KATNAL1: variants seen among roughly 807,000 people sequenced by gnomAD.
KATNAL1 encodes katanin p60 ATPase-containing subunit A-like 1.
A neutral mutation model predicts 55.2 loss-of-function variants in KATNAL1; 32 were observed. The observed-to-expected ratio is 0.58, with a 90% CI of 0.44 to 0.78. The LOEUF is 0.78. Among genes scored for constraint, KATNAL1 ranks in the 30% least tolerant of loss-of-function variants. The pLI, the probability that KATNAL1 is intolerant of heterozygous loss-of-function variation, is 0.00. For synonymous variants in KATNAL1, 193 were observed against 193.6 expected (o/e 1.00, Z 0.02); for missense variants, 466 against 600.9 (o/e 0.78, Z 2.35).
In KATNAL1 at chr13:30,202,731, AAC is replaced by A; in HGVS notation, c.*5807_*5808del. ...AGTAGCAGCACAAAAGGTAAGGAAA[AAC>A]ACATTTAATAAATACAACTTGGAAA... On this transcript the variant is annotated 3_prime_UTR_variant, in exon 11 of 11. Transcript: ENST00000380615. 1 of 152,346 alleles carries A rather than the reference AAC, an allele frequency of 6.6e-6. No individual in the cohort carries two copies. Among genetic ancestry groups the A allele is most frequent in the Admixed American group, 6.5e-5 (1 of 15,304 alleles). 9.4% of individuals were successfully genotyped at this position (152,346 alleles called of 1,614,324 possible).
chr13:30,212,345 C>T (rs957204874), intron 9 of KATNAL1, among the ~76,000 whole-genome samples: 1 of 152,194 alleles, frequency 6.6e-6, no homozygotes, highest in African/African-American at 2.4e-5. Flanking sequence ...TTCTAAAAAT[C>T]AGCAAGAAAA....
At position 30,210,313 on chromosome 13, in the gene KATNAL1, T is replaced by C. The variant is rs775912042; in HGVS notation, c.1274+3A>G. 1.3e-6 allele frequency: 2 copies of C among 1,581,786 alleles called. No individual in the cohort carries two copies. The highest frequency in any genetic ancestry group is 1.7e-6 in the Non-Finnish European group (2 of 1,168,902). ...CTAAAATCACAGATCATTAAAAAAA[T>C]ACCTGCAAACATTAGTGATGTCAGC... On this transcript the variant is annotated splice_donor_region_variant and intron_variant, in intron 10 of 10. Transcript: ENST00000380615.
At chr13:30,234,944 G>C (rs1876502962) in intron 6 of KATNAL1, among the ~76,000 whole-genome samples, 2 of 152,152 alleles carry the variant, frequency 1.3e-5, no homozygotes, top group South Asian at 4.1e-4. Context: ...CCCCTATATA[G>C]TTTATGCCAA....
In KATNAL1 at chr13:30,245,504, T is replaced by C. The variant is rs969685858; in HGVS notation, c.493-4418A>G. Among the ~76,000 whole-genome samples, 13 of 152,160 alleles carry C rather than the reference T, an allele frequency of 8.5e-5. No individual in the cohort carries two copies. The South Asian group carries it at 2.1e-3, about 24-fold the overall frequency. On this transcript the variant is annotated intron_variant, in intron 4 of 10. Coordinates refer to ENST00000380615, the MANE Select transcript of KATNAL1 (RefSeq NM_032116.5). Reference sequence around the variant, plus strand: ...TTTGAATACTGGCACAAGACAAGGATGCCCTCTCTCACCACTCCTATTCAA... The same window carrying C: ...TTTGAATACTGGCACAAGACAAGGACGCCCTCTCTCACCACTCCTATTCAA...
At chr13:30,223,206 A>G (rs541015568) in intron 9 of KATNAL1, among the ~76,000 whole-genome samples, 56 of 151,648 alleles carry the variant, frequency 3.7e-4, no homozygotes, top group Non-Finnish European at 4.9e-4. Flanking sequence ...TCGGGAGGCC[A>G]AGGCGGGCGG....
intron 3 of KATNAL1, among the ~76,000 whole-genome samples, chr13:30,262,358 T>C (rs1488578177): frequency 6.6e-6 from 1 of 151,474 alleles, no homozygotes; most frequent in East Asian, 1.9e-4. Context: ...AGGCAAGAAA[T>C]AACTAAAATC....
chr13:30,225,311 T>A (rs1411187381), intron 9 of KATNAL1, among the ~76,000 whole-genome samples: 5 of 152,186 alleles, frequency 3.3e-5, no homozygotes, highest in African/African-American at 1.2e-4. Context: ...ATGAACTATA[T>A]AATCAGCTTC....
At chr13:30,237,349 G>A (rs1876791430) in intron 6 of KATNAL1, among the ~76,000 whole-genome samples, 1 of 152,134 alleles carries the variant, frequency 6.6e-6, no homozygotes, top group African/African-American at 2.4e-5. Flanking sequence ...TAGAAAATAT[G>A]GATAAATTAT....
intron 1 of KATNAL1, among the ~76,000 whole-genome samples, chr13:30,299,353 T>C (rs1882723986): frequency 6.6e-6 from 1 of 152,174 alleles, no homozygotes; most frequent in Non-Finnish European, 1.5e-5. Context: ...TTTTAAAAAT[T>C]AAATGTGATC....
intron 9 of KATNAL1, among the ~76,000 whole-genome samples, chr13:30,218,853 T>C (rs538891014): frequency 3.9e-5 from 6 of 152,246 alleles, no homozygotes; most frequent in East Asian, 1.9e-4. Context: ...CAAGGCATCA[T>C]GGAACAGACA....
chr13:30,243,319 T>C (rs566546474), intron 4 of KATNAL1, among the ~76,000 whole-genome samples: 8 of 152,190 alleles, frequency 5.3e-5, no homozygotes, highest in Non-Finnish European at 1.2e-4. Context: ...AACCAAATAT[T>C]ACAGAGCCAA....
intron 4 of KATNAL1, 48 bp downstream of exon 4, chr13:30,255,399 A>G (rs748501124): frequency 1.5e-6 from 2 of 1,374,436 alleles, no homozygotes; most frequent in Admixed American, 2.7e-5. Context: ...ACATCCACCA[A>G]AAGTCCTGGG....
intron 4 of KATNAL1, 135 bp downstream of exon 4, chr13:30,255,312 T>A: frequency 1.6e-6 from 1 of 643,872 alleles, no homozygotes; most frequent in Non-Finnish European, 2.4e-6. Flanking sequence ...CAAAGACTAC[T>A]TAGGCTTTGA....
intron 2 of KATNAL1, among the ~76,000 whole-genome samples, chr13:30,283,326 T>C (rs188141906): frequency 4.7e-4 from 71 of 150,262 alleles, no homozygotes; most frequent in African/African-American, 1.7e-3. Flanking sequence ...TTTCAAAAGT[T>C]TGCAGTCACA....
At chr13:30,214,851 A>G (rs927789222) in intron 9 of KATNAL1, among the ~76,000 whole-genome samples, 1 of 151,428 alleles carries the variant, frequency 6.6e-6, no homozygotes, top group Non-Finnish European at 1.5e-5. Flanking sequence ...ACCATTCAGG[A>G]CATAGGCATG....
chr13:30,221,317 T>C (rs755407789), intron 9 of KATNAL1, among the ~76,000 whole-genome samples: 1 of 152,244 alleles, frequency 6.6e-6, no homozygotes, highest in South Asian at 2.1e-4. Context: ...ACTGTTTGCA[T>C]GTATTGGCCA....
intron 3 of KATNAL1, among the ~76,000 whole-genome samples, chr13:30,263,082 T>C (rs1157241686): frequency 6.6e-6 from 1 of 152,134 alleles, no homozygotes; most frequent in African/African-American, 2.4e-5. Context: ...AATCAATAAA[T>C]GTAATCCAGC....
intron 9 of KATNAL1, among the ~76,000 whole-genome samples, chr13:30,212,526 G>A (rs1356737076): frequency 2.0e-5 from 3 of 152,168 alleles, no homozygotes; most frequent in Admixed American, 6.5e-5. Context: ...TGGTCAGAAC[G>A]CTGGGCTCAA....
chr13:30,213,412 A>G (rs1451380792), intron 9 of KATNAL1, among the ~76,000 whole-genome samples: 1 of 152,166 alleles, frequency 6.6e-6, no homozygotes, highest in Non-Finnish European at 1.5e-5. Flanking sequence ...AATCCTCCCT[A>G]ACTCATTTTA....
Sources: allele counts gnomAD v4.1 joint callset (sites outside exome capture counted in the v4.1 genomes callset), GRCh38; gene constraint gnomAD v4.1.1; transcripts MANE v1.5; gene names NCBI Gene and HGNC (gene_info 2026-07-23, HGNC 2026-07-21).